TACC1: variants seen among roughly 807,000 people sequenced by gnomAD.
TACC1 encodes transforming acidic coiled-coil containing protein 1, also known as transforming acidic coiled-coil-containing protein 1.
In TACC1, 48 loss-of-function variants were observed where a neutral mutation model predicts 84.4. That is an observed-to-expected ratio of 0.57 (90% confidence interval 0.45 to 0.72). The LOEUF (loss-of-function observed/expected upper bound fraction) is 0.72, where lower values mean the gene tolerates loss of function less well. Among genes scored for constraint, TACC1 ranks in the 30% least tolerant of loss-of-function variants. TACC1 has a pLI of 0.00. For missense variants in TACC1, 920 were observed against 973.0 expected (o/e 0.95, Z 0.72); for synonymous variants, 372 against 376.3 (o/e 0.99, Z 0.13).
At chr8:38,843,474 C>A in intron 11 of TACC1, 79 bp downstream of exon 11, 2 of 995,810 alleles carry the variant, frequency 2.0e-6, no homozygotes, top group Non-Finnish European at 3.0e-6. Flanking sequence ...ATCACTGTTT[C>A]GCAACTCCAG....
At chr8:38,757,012 GC>G (rs1268215205) in intron 3 of TACC1, among the ~76,000 whole-genome samples, 2 of 152,168 alleles carry the variant, frequency 1.3e-5, no homozygotes, top group South Asian at 4.1e-4. Flanking sequence ...TCCACCTGCT[GC>G]CCCGTGCCAC....
chr8:38,847,513 T>C (rs1208245655), intron 12 of TACC1, among the ~76,000 whole-genome samples: 2 of 152,258 alleles, frequency 1.3e-5, no homozygotes, highest in Non-Finnish European at 2.9e-5. Context: ...TACTCATACC[T>C]GTGCCATCCA....
At chr8:38,847,742 C>T (rs540518535) in intron 12 of TACC1, among the ~76,000 whole-genome samples, 1 of 150,636 alleles carries the variant, frequency 6.6e-6, no homozygotes, top group Non-Finnish European at 1.5e-5. Flanking sequence ...TGACTGTCCT[C>T]ACCCTTTACT....
At chr8:38,755,033 G>A (rs1306460583) in intron 3 of TACC1, among the ~76,000 whole-genome samples, 1 of 152,004 alleles carries the variant, frequency 6.6e-6, no homozygotes, top group Non-Finnish European at 1.5e-5. Flanking sequence ...GATGGTGCGC[G>A]CCTGTAGTCA....
chr8:38,733,527 T>C (rs1330868524), intron 1 of TACC1, among the ~76,000 whole-genome samples: 1 of 152,104 alleles, frequency 6.6e-6, no homozygotes, highest in Non-Finnish European at 1.5e-5. Context: ...GGAAAGGCAC[T>C]CTCCTTTCTG....
intron 2 of TACC1, among the ~76,000 whole-genome samples, chr8:38,819,069 G>A (rs2152200039): frequency 6.6e-6 from 1 of 152,292 alleles, no homozygotes; most frequent in Admixed American, 6.5e-5. Flanking sequence ...CAAAGATTCA[G>A]ATCTGTTCAC....
intron 1 of TACC1, among the ~76,000 whole-genome samples, chr8:38,730,388 C>T (rs1368046843): frequency 2.0e-5 from 3 of 152,230 alleles, no homozygotes; most frequent in Non-Finnish European, 4.4e-5. Flanking sequence ...TGAATTTGTC[C>T]TTCTAATTGT....
chr8:38,831,687 G>A (rs968441250), intron 6 of TACC1, among the ~76,000 whole-genome samples: 8 of 152,098 alleles, frequency 5.3e-5, no homozygotes, highest in Admixed American at 2.0e-4. Flanking sequence ...GCAGAAATGG[G>A]GTCTTGCCAT....
At chr8:38,838,267 C>A (rs1830591470) in intron 7 of TACC1, among the ~76,000 whole-genome samples, 2 of 152,240 alleles carry the variant, frequency 1.3e-5, no homozygotes, top group Admixed American at 6.5e-5. Flanking sequence ...TTCTACTCAT[C>A]TTTATTCCCG....
intron 3 of TACC1, among the ~76,000 whole-genome samples, chr8:38,774,763 A>G (rs1049377583): frequency 1.3e-5 from 2 of 152,212 alleles, no homozygotes; most frequent in East Asian, 3.8e-4. Flanking sequence ...CTGTAATCCC[A>G]GCACTTTGGG....
chr8:38,831,713 C>T (rs954796824), intron 6 of TACC1, among the ~76,000 whole-genome samples: 8 of 152,004 alleles, frequency 5.3e-5, no homozygotes, highest in Non-Finnish European at 2.9e-5. Context: ...CTAGGCTGGT[C>T]TCAAACTCCT....
intron 10 of TACC1, 86 bp downstream of exon 10, chr8:38,842,533 G>A (rs1473897219): frequency 4.3e-6 from 6 of 1,397,258 alleles, no homozygotes; most frequent in East Asian, 2.4e-5. Context: ...TATGCCAGAG[G>A]TTGTGGGTAT....
chr8:38,774,611 G>T (rs1814415832), intron 3 of TACC1, among the ~76,000 whole-genome samples: 1 of 152,146 alleles, frequency 6.6e-6, no homozygotes, highest in African/African-American at 2.4e-5. Flanking sequence ...TCCCATCTTG[G>T]CCTCCCAAGT....
intron 3 of TACC1, among the ~76,000 whole-genome samples, chr8:38,755,737 C>CAAT (rs747770594): frequency 6.9e-6 from 1 of 145,484 alleles, no homozygotes; most frequent in African/African-American, 2.8e-5. Context: ...ACAACAACAA[C>CAAT]AACAACAACA....
intron 2 of TACC1, among the ~76,000 whole-genome samples, chr8:38,798,773 C>G (rs2152060960): frequency 6.6e-6 from 1 of 152,192 alleles, no homozygotes; most frequent in South Asian, 2.1e-4. Flanking sequence ...GATCCTGGGC[C>G]CCAGCAGTTG....
chr8:38,770,240 G>T (rs926550612), intron 3 of TACC1, among the ~76,000 whole-genome samples: 2 of 152,116 alleles, frequency 1.3e-5, no homozygotes, highest in African/African-American at 4.8e-5. Context: ...ATAGCTGACA[G>T]TGTCAAGTCT....
At chr8:38,838,583 T>C in intron 8 of TACC1, 37 bp downstream of exon 8, 1 of 1,488,240 alleles carries the variant, frequency 6.7e-7, no homozygotes, top group Non-Finnish European at 9.4e-7. Context: ...CTGGATACTT[T>C]TATGCACTGT....
Position 38,850,948 on chromosome 8 carries a change from T to G in TACC1, c.*2925T>G, listed in dbSNP as rs1833005855. 1 of 152,302 alleles carries G rather than the reference T, an allele frequency of 6.6e-6. No individual in the cohort carries two copies. Among genetic ancestry groups the G allele is most frequent in the Non-Finnish European group, 1.5e-5 (1 of 67,938 alleles). The allele number at this position is 152,302 out of a possible 1,614,324, so 9.4% of individuals were successfully genotyped here. ...TGTAGATAGCCTTTATCCAGCAGTA[T>G]TTTAAGTGGGGAATGCAACGTGAGG... is the stretch of plus-strand genomic sequence containing the variant. On this transcript the variant is annotated 3_prime_UTR_variant, in exon 13 of 13. Transcript: ENST00000317827.
intron 3 of TACC1, among the ~76,000 whole-genome samples, chr8:38,767,662 G>A (rs1444249359): frequency 1.3e-5 from 2 of 152,214 alleles, no homozygotes; most frequent in East Asian, 3.8e-4. Context: ...TTTTGGCTTG[G>A]GGTTGGCCTG....
Sources: gnomAD v4.1 joint callset for allele counts (sites outside exome capture counted in the v4.1 genomes callset) on GRCh38, gnomAD v4.1.1 for gene constraint, MANE v1.5 for transcripts, NCBI Gene and HGNC (gene_info 2026-07-23, HGNC 2026-07-21) for gene names.